NEGR1: variants seen among roughly 807,000 people sequenced by gnomAD.
NEGR1 encodes IgLON family member 4.
In NEGR1, 10 loss-of-function variants were observed where a neutral mutation model predicts 40.9. The ratio of observed to expected loss-of-function variants is 0.24; its 90% CI spans 0.15 to 0.42. NEGR1 has a LOEUF of 0.42. Ranked by LOEUF, NEGR1 falls within the 10% of genes least tolerant of loss-of-function variation. The probability of loss-of-function intolerance (pLI) is 1.00; values close to 1 mark genes in which losing one functional copy is unlikely to be tolerated. For missense variants in NEGR1, 352 were observed against 438.9 expected, an observed-to-expected ratio of 0.80 and a Z score of 1.77; for synonymous variants, 185 against 166.8, an observed-to-expected ratio of 1.11 and a Z score of -0.84.
intron 6 of NEGR1, among the ~76,000 whole-genome samples, chr1:71,501,004 T>C (rs1195111778): frequency 6.6e-6 from 1 of 152,116 alleles, no homozygotes; most frequent in Non-Finnish European, 1.5e-5. Context: ...ACATGCTAAT[T>C]TGAAACATTG....
chr1:72,025,253 A>G (rs1218573750), intron 1 of NEGR1, among the ~76,000 whole-genome samples: 2 of 152,172 alleles, frequency 1.3e-5, no homozygotes, highest in East Asian at 3.9e-4. Context: ...TTAAAAAATA[A>G]TATTTCCGAG....
At chr1:71,563,629 G>C (rs1442100245) in intron 6 of NEGR1, among the ~76,000 whole-genome samples, 1 of 151,972 alleles carries the variant, frequency 6.6e-6, no homozygotes, top group Non-Finnish European at 1.5e-5. Context: ...TGAGCCTGCA[G>C]ATATGTAAGA....
intron 1 of NEGR1, among the ~76,000 whole-genome samples, chr1:72,182,525 C>G (rs1053930733): frequency 2.0e-5 from 3 of 151,806 alleles, no homozygotes; most frequent in African/African-American, 7.3e-5. Flanking sequence ...ATAAAATGTT[C>G]AGGTTATAAT....
At chr1:71,598,606 C>A (rs1649818408) in intron 5 of NEGR1, among the ~76,000 whole-genome samples, 1 of 152,198 alleles carries the variant, frequency 6.6e-6, no homozygotes, top group African/African-American at 2.4e-5. Context: ...ACACTCTCAG[C>A]ATCAATTACT....
intron 1 of NEGR1, among the ~76,000 whole-genome samples, chr1:72,279,319 G>T (rs1338760969): frequency 6.6e-6 from 1 of 152,096 alleles, no homozygotes; most frequent in African/African-American, 2.4e-5. Flanking sequence ...TGTATCATTT[G>T]ACCTTTAAAC....
chr1:71,904,757 A>G (rs969865403), intron 2 of NEGR1, among the ~76,000 whole-genome samples: 1 of 152,164 alleles, frequency 6.6e-6, no homozygotes, highest in Non-Finnish European at 1.5e-5. Context: ...TTAATCTGGT[A>G]TCCAGAAAGA....
intron 2 of NEGR1, among the ~76,000 whole-genome samples, chr1:71,799,607 G>A (rs1471609120): frequency 6.6e-6 from 1 of 152,078 alleles, no homozygotes; most frequent in African/African-American, 2.4e-5. Context: ...CTAGATCCTT[G>A]AGAAATTGCC....
At chr1:71,457,531 G>A (rs1646682112) in intron 6 of NEGR1, among the ~76,000 whole-genome samples, 1 of 152,168 alleles carries the variant, frequency 6.6e-6, no homozygotes, top group South Asian at 2.1e-4. Flanking sequence ...AAACAAGAGA[G>A]ACAGCATCTC....
chr1:71,834,803 T>G (rs1267577577), intron 2 of NEGR1, among the ~76,000 whole-genome samples: 1 of 151,988 alleles, frequency 6.6e-6, no homozygotes, highest in African/African-American at 2.4e-5. Flanking sequence ...CTTCTAGCCT[T>G]GCTATGTTAC....
intron 4 of NEGR1, among the ~76,000 whole-genome samples, chr1:71,632,950 T>G (rs919738155): frequency 6.6e-6 from 1 of 152,062 alleles, no homozygotes; most frequent in African/African-American, 2.4e-5. Flanking sequence ...ATTAAGTGAT[T>G]TTATGGCAAG....
intron 1 of NEGR1, among the ~76,000 whole-genome samples, chr1:72,066,460 T>C (rs1647274767): frequency 6.6e-6 from 1 of 152,166 alleles, no homozygotes; most frequent in Admixed American, 6.6e-5. Context: ...TAAATAATGA[T>C]TAACTGTTAT....
intron 6 of NEGR1, among the ~76,000 whole-genome samples, chr1:71,449,305 A>G (rs1370758223): frequency 6.6e-6 from 1 of 152,220 alleles, no homozygotes; most frequent in Non-Finnish European, 1.5e-5. Flanking sequence ...GTTTACACTG[A>G]CTAAAACTAT....
intron 1 of NEGR1, among the ~76,000 whole-genome samples, chr1:72,253,979 A>G (rs557219660): frequency 5.3e-5 from 8 of 152,320 alleles, no homozygotes; most frequent in Non-Finnish European, 8.8e-5. Context: ...ATGTGAAGTG[A>G]TTACAAATGA....
chr1:71,874,546 T>C (rs886717017), intron 2 of NEGR1, among the ~76,000 whole-genome samples: 1 of 152,080 alleles, frequency 6.6e-6, no homozygotes, highest in African/African-American at 2.4e-5. Flanking sequence ...GTTTTCTACT[T>C]TATGGTGTAT....
chr1:71,606,373 C>A (rs1650075143), intron 5 of NEGR1, among the ~76,000 whole-genome samples: 1 of 152,188 alleles, frequency 6.6e-6, no homozygotes, highest in Non-Finnish European at 1.5e-5. Flanking sequence ...AGATGAGCAG[C>A]ACCAGGTGAC....
At chr1:72,190,423 C>T (rs959490194) in intron 1 of NEGR1, among the ~76,000 whole-genome samples, 6 of 151,546 alleles carry the variant, frequency 4.0e-5, no homozygotes, top group African/African-American at 1.4e-4. Flanking sequence ...GCATGAAAAA[C>T]GCTTACTGAT....
chr1:71,564,869 T>C (rs1648567932), intron 6 of NEGR1, among the ~76,000 whole-genome samples: 1 of 152,130 alleles, frequency 6.6e-6, no homozygotes, highest in Admixed American at 6.6e-5. Flanking sequence ...ATTAGGTTAC[T>C]TTCCAAGGTC....
rs1405058031 is a variant in NEGR1 at position 72,282,390 on chromosome 1, T to A, written c.105A>T (p.Gly35=). ...CCLLPSCLPA[G]QSVDFPWAAV... Reference sequence around the variant, plus strand: ...CCGCCCAGGGGAAGTCCACACTCTGTCCAGCCGGGAGGCAGGAGGGTAGCA... The same window carrying A: ...CCGCCCAGGGGAAGTCCACACTCTGACCAGCCGGGAGGCAGGAGGGTAGCA... The change falls in exon 1 of 7, where the codon GGA becomes GGT. Residue 35 remains glycine, a synonymous_variant. Coordinates refer to ENST00000357731, the MANE Select transcript of NEGR1 (RefSeq NM_173808.3). 6.2e-7 allele frequency: 1 copy of A among 1,613,898 alleles called. No homozygotes were observed.
chr1:72,125,753 T>TA (rs1184168092), intron 1 of NEGR1, among the ~76,000 whole-genome samples: 4 of 152,066 alleles, frequency 2.6e-5, no homozygotes, highest in East Asian at 3.8e-4. Flanking sequence ...TCACATAAAA[T>TA]AAAAAAATAG....
Sources: gnomAD v4.1 joint callset for allele counts (sites outside exome capture counted in the v4.1 genomes callset) on GRCh38, gnomAD v4.1.1 for gene constraint, MANE v1.5 for transcripts, NCBI Gene and HGNC (gene_info 2026-07-23, HGNC 2026-07-21) for gene names.